Variants in MRPL39 observed in about 807,000 individuals in gnomAD.
The protein encoded by MRPL39 is large ribosomal subunit protein mL39.
MRPL39 carries 35 observed loss-of-function variants against 44.5 expected under a neutral mutation model. That is an observed-to-expected ratio of 0.79 (90% CI 0.60 to 1.04). The LOEUF is 1.04. Among genes scored for constraint, MRPL39 ranks in the 50% least tolerant of loss-of-function variants. The pLI, the probability that MRPL39 is intolerant of heterozygous loss-of-function variation, is 0.00. For missense variants in MRPL39, 433 were observed against 413.5 expected (o/e 1.05, Z -0.41); for synonymous variants, 139 against 136.1 (o/e 1.02, Z -0.15).
chr21:25,587,833 T>C (rs1249928371), intron 9 of MRPL39: 2 of 1,413,324 alleles, frequency 1.4e-6, no homozygotes, highest in Non-Finnish European at 2.0e-6. Context: ...AACTTGAAAA[T>C]AAGTTTAATG....
chr21:25,607,154 C>A (rs1046847429), intron 1 of MRPL39, among the ~76,000 whole-genome samples: 11 of 152,346 alleles, frequency 7.2e-5, no homozygotes, highest in South Asian at 6.2e-4. Context: ...AGAGGCGGGC[C>A]CAAGCTCCTC....
chr21:25,588,290 AG>A (rs1181819453), intron 9 of MRPL39, among the ~76,000 whole-genome samples: 4 of 146,868 alleles, frequency 2.7e-5, no homozygotes, highest in African/African-American at 1.0e-4. Context: ...CCAGCCTGGG[AG>A]ACAGAACAAG....
intron 2 of MRPL39, among the ~76,000 whole-genome samples, chr21:25,604,649 C>T (rs137997815): frequency 2.2e-4 from 34 of 152,162 alleles, no homozygotes; most frequent in African/African-American, 8.0e-4. Context: ...TTTCATCATC[C>T]CAGAATGCAA....
chr21:25,600,797 T>C (rs1056616684), intron 4 of MRPL39, among the ~76,000 whole-genome samples: 6 of 152,124 alleles, frequency 3.9e-5, no homozygotes, highest in Non-Finnish European at 7.3e-5. Flanking sequence ...TTTGGAAATA[T>C]ATGCTTAAAG....
rs369293770 is a variant in MRPL39 at position 25,606,627 on chromosome 21, C to T, written c.102G>A (p.Gln34=). ...TTTCTGTCAATTCTGTCGGTGACAG[C>T]TGAGAAGCTGACGATGTTGCTATAA... is the stretch of plus-strand genomic sequence containing the variant. ...WRFIATSSAS[Q]LSPTELTEMR... is the part of the protein sequence containing the mutation. The change falls in exon 2 of 10, where the codon CAG becomes CAA. Residue 34 remains glutamine (Q), a synonymous_variant. Coordinates refer to ENST00000352957, the MANE Select transcript of MRPL39 (RefSeq NM_017446.4). 6.8e-6 allele frequency: 11 copies of T among 1,613,534 alleles called. No individual in the cohort carries two copies. The highest frequency in any genetic ancestry group is 9.3e-6 in the Non-Finnish European group (11 of 1,179,566).
chr21:25,600,836 G>A (rs756672734), intron 4 of MRPL39, among the ~76,000 whole-genome samples: 12 of 152,182 alleles, frequency 7.9e-5, no homozygotes, highest in African/African-American at 1.2e-4. Flanking sequence ...GGCCGGGCAC[G>A]GTGGCTCACG....
At chr21:25,594,694 A>C (rs559145832) in intron 6 of MRPL39, among the ~76,000 whole-genome samples, 184 of 152,214 alleles carry the variant, frequency 1.2e-3, no homozygotes, top group African/African-American at 4.3e-3. Context: ...CAGCCCCTTG[A>C]GCTACAACTT....
At chr21:25,587,628 C>A in intron 9 of MRPL39, 1 of 1,176,836 alleles carries the variant, frequency 8.5e-7, no homozygotes, top group Non-Finnish European at 1.2e-6. Flanking sequence ...GCAAAGAAAA[C>A]AATCAAAAAA....
chr21:25,601,717 G>T (rs2031530695), intron 3 of MRPL39, among the ~76,000 whole-genome samples: 1 of 152,084 alleles, frequency 6.6e-6, no homozygotes, highest in Non-Finnish European at 1.5e-5. Context: ...CACCATAATG[G>T]TTATCAACCC....
chr21:25,599,660 A>G, intron 5 of MRPL39, 139 bp downstream of exon 5: 2 of 673,706 alleles, frequency 3.0e-6, no homozygotes, highest in Non-Finnish European at 2.5e-6. Flanking sequence ...ACAGACAGAT[A>G]CATAGATACA....
intron 7 of MRPL39, among the ~76,000 whole-genome samples, chr21:25,593,352 A>G (rs1011212937): frequency 2.0e-5 from 3 of 152,196 alleles, no homozygotes; most frequent in Non-Finnish European, 4.4e-5. Context: ...TTTCTAGAGG[A>G]AAAAAGTGAA....
chr21:25,607,603 G>T, upstream of MRPL39: 1 of 904,342 alleles, frequency 1.1e-6, no homozygotes, highest in South Asian at 1.7e-5. Context: ...GCCTCCACCG[G>T]GGGGCGTCAG....
chr21:25,590,114 CAA>C (rs1448968783), intron 8 of MRPL39, among the ~76,000 whole-genome samples: 1 of 152,136 alleles, frequency 6.6e-6, no homozygotes, highest in Non-Finnish European at 1.5e-5. Context: ...TGAGTGAAAA[CAA>C]AGAGGAACTT....
At chr21:25,594,873 C>T (rs2031309110) in intron 6 of MRPL39, among the ~76,000 whole-genome samples, 1 of 152,196 alleles carries the variant, frequency 6.6e-6, no homozygotes, top group African/African-American at 2.4e-5. Context: ...CAAACTTGTT[C>T]TTCCTCCTGA....
chr21:25,591,719 T>C (rs2031185137), intron 8 of MRPL39, among the ~76,000 whole-genome samples: 1 of 151,998 alleles, frequency 6.6e-6, no homozygotes, highest in East Asian at 1.9e-4. Flanking sequence ...CACTCACACA[T>C]TGCCAGTGGG....
At chr21:25,607,520 T>G (rs2031731046), upstream of MRPL39, 4 of 1,593,710 alleles carry the variant, frequency 2.5e-6, no homozygotes, top group East Asian at 9.0e-5. Flanking sequence ...TCCGCCCTCC[T>G]CCCCCGGAAA....
In MRPL39 at chr21:25,603,892, C is replaced by A. The variant is rs780901075; in HGVS notation, c.324G>T (p.Val108=). The A allele has an allele frequency of 9.3e-6, 15 of 1,612,304 alleles. No homozygotes were observed. Among genetic ancestry groups the A allele is most frequent in the Non-Finnish European group, 1.3e-5 (15 of 1,179,364 alleles). Residue 108 remains valine, a synonymous_variant, in exon 3 of 10, where the codon GTG becomes GTT. Coordinates refer to ENST00000352957, the MANE Select transcript of MRPL39 (RefSeq NM_017446.4). The part of the protein sequence containing the change: ...WYCRKSILAL[V]DGQPWDMYKP... ...TATACATGTCCCAAGGCTGTCCATC[C>A]ACCAGAGCCAGAATGGACTTCCTGC...
At chr21:25,604,715 T>C (rs1239907215) in intron 2 of MRPL39, among the ~76,000 whole-genome samples, 1 of 152,212 alleles carries the variant, frequency 6.6e-6, no homozygotes, top group Non-Finnish European at 1.5e-5. Flanking sequence ...CTCACAAAAG[T>C]AGTCAAACTA....
At chr21:25,605,246 C>T (rs1385272974) in intron 2 of MRPL39, among the ~76,000 whole-genome samples, 1 of 152,138 alleles carries the variant, frequency 6.6e-6, no homozygotes, top group African/African-American at 2.4e-5. Flanking sequence ...TAAATATTAC[C>T]AGTTCTATCA....
Sources: gnomAD v4.1 joint callset for allele counts (sites outside exome capture counted in the v4.1 genomes callset) on GRCh38, gnomAD v4.1.1 for gene constraint, MANE v1.5 for transcripts, NCBI Gene and HGNC (gene_info 2026-07-23, HGNC 2026-07-21) for gene names.